UBE2O: variants seen among roughly 807,000 people sequenced by gnomAD.
UBE2O encodes ubiquitin conjugating enzyme E2 O, also known as (E3-independent) E2 ubiquitin-conjugating enzyme.
In UBE2O, 15 loss-of-function variants were observed where a neutral mutation model predicts 125.8. The observed-to-expected ratio is 0.12, with a 90% CI of 0.08 to 0.18. UBE2O has a LOEUF of 0.18. UBE2O is among the 10% of genes least tolerant of loss of function. The pLI, the probability that UBE2O is intolerant of heterozygous loss-of-function variation, is 1.00. For missense variants in UBE2O, 1,280 were observed against 1,723.6 expected, an observed-to-expected ratio of 0.74 and a Z score of 4.56; for synonymous variants, 708 against 703.2, an observed-to-expected ratio of 1.01 and a Z score of -0.11.
In UBE2O at chr17:76,410,609, G is replaced by A. The variant is rs947711962; in HGVS notation, c.418-5037C>T. ...GGAAAGCAATCAAATGGTAAGTGAG[G>A]GGTCAGGGACAATGCCAGGGCAGAG... On this transcript the variant is annotated intron_variant, in intron 1 of 17. Transcript: ENST00000319380. This position sits in a 1 kb window ranked among gnomAD's most constrained non-coding sequence, Gnocchi z 4.0. 6.6e-6 allele frequency among the ~76,000 whole-genome samples: 1 copy of A among 152,168 alleles called. No homozygotes were observed. Among genetic ancestry groups the A allele is most frequent in the Non-Finnish European group, 1.5e-5 (1 of 68,030 alleles).
At position 76,397,794 on chromosome 17, in the gene UBE2O, C is replaced by T; in HGVS notation, c.2115+5G>A. On this transcript the variant is annotated splice_donor_5th_base_variant and intron_variant, in intron 13 of 17. Coordinates refer to ENST00000319380, the MANE Select transcript of UBE2O (RefSeq NM_022066.4). ...CTCAGCAGGGGGGTCTTGCCAGAGCCTCACCTGGGGCAGGATGATGGTCTT... is the reference window on the plus strand; with the variant it reads ...CTCAGCAGGGGGGTCTTGCCAGAGCTTCACCTGGGGCAGGATGATGGTCTT... The T allele has an allele frequency of 1.2e-6, 2 of 1,614,184 alleles. No homozygotes were observed. The highest frequency in any genetic ancestry group is 2.2e-5 in the East Asian group (1 of 44,888).
In UBE2O at chr17:76,400,262, C is replaced by T. The variant is rs745858375; in HGVS notation, c.1040G>A (p.Arg347Gln). 6.2e-6 allele frequency: 10 copies of T among 1,613,928 alleles called. No individual in the cohort carries two copies. Among genetic ancestry groups the T allele is most frequent in the East Asian group, 2.2e-5 (1 of 44,892 alleles). ...ATACAGACAGCGCTCCCCAAGCTGC[C>T]GCTGAGCATGGTCAAAGCATCCGAG... Reference protein sequence around the residue: ...KRLGCFDHAQRQLGERCLYVF... With the variant: ...KRLGCFDHAQQQLGERCLYVF... The change falls in exon 8 of 18, where the codon CGG becomes CAG. Residue 347 changes from arginine to glutamine, a missense_variant. By Grantham distance (43) the Arg-to-Gln change is conservative. Coordinates refer to ENST00000319380, the MANE Select transcript of UBE2O (RefSeq NM_022066.4). The surrounding 1 kb of genome is among the most constrained non-coding windows in gnomAD (Gnocchi z 4.3).
In UBE2O at chr17:76,429,205, T is replaced by C. The variant is rs113122326; in HGVS notation, c.417+23520A>G. Among the ~76,000 whole-genome samples, 1,000 of 151,608 alleles carry C rather than the reference T, an allele frequency of 6.6e-3. 12 individuals are homozygous for C. The highest frequency in any genetic ancestry group is 0.022 in the African/African-American group (930 of 41,404). The stretch of plus-strand genomic sequence containing the variant: ...ATGAGCCACCGCGTCCAGCCAGCCC[T>C]CTACTATGTTTGCAACTTCCTATGC... On this transcript the variant is annotated intron_variant, in intron 1 of 17. Transcript: ENST00000319380.
intron 1 of UBE2O, among the ~76,000 whole-genome samples, chr17:76,435,351 C>T (rs989018524): frequency 6.6e-6 from 1 of 150,482 alleles, no homozygotes; most frequent in African/African-American, 2.4e-5. Context: ...TTTGTTTAAA[C>T]CTTTTGAATG....
chr17:76,413,465 G>T (rs12950218), intron 1 of UBE2O, among the ~76,000 whole-genome samples: 1 of 152,116 alleles, frequency 6.6e-6, no homozygotes. Flanking sequence ...AAACCTGAGT[G>T]CATTAATATA....
chr17:76,439,128 G>A (rs1378612481), intron 1 of UBE2O, among the ~76,000 whole-genome samples: 1 of 152,212 alleles, frequency 6.6e-6, no homozygotes, highest in Non-Finnish European at 1.5e-5. Flanking sequence ...TGACGGCGTG[G>A]TTTGGAGGCG....
Position 76,405,085 on chromosome 17 carries a change from G to T in UBE2O, c.588+121C>A. ...AGGAGCCAGCTGGCTGCTGTGCTCC[G>T]CCTTCTGACCCAGGAAGGCTGTGCT... is the stretch of plus-strand genomic sequence containing the variant. On this transcript the variant is annotated intron_variant, in intron 3 of 17. Coordinates refer to ENST00000319380, the MANE Select transcript of UBE2O (RefSeq NM_022066.4). This position sits in a 1 kb window ranked among gnomAD's most constrained non-coding sequence, Gnocchi z 6.1. 1 of 699,782 alleles carries T rather than the reference G, an allele frequency of 1.4e-6. No individual in the cohort carries two copies. The highest frequency in any genetic ancestry group is 2.4e-6 in the Non-Finnish European group (1 of 422,850). 43.3% of individuals were successfully genotyped at this position (699,782 alleles called of 1,614,324 possible). A position where few individuals can be genotyped will look rare whatever the true frequency, so the allele number is the denominator to read the frequency against.
chr17:76,436,901 G>A (rs1003685908), intron 1 of UBE2O, among the ~76,000 whole-genome samples: 27 of 152,164 alleles, frequency 1.8e-4, no homozygotes, highest in African/African-American at 6.3e-4. Flanking sequence ...AGAGGTCAAG[G>A]TGGGCAGATC....
chr17:76,400,316 G>C lies in UBE2O; in HGVS notation c.1005-19C>G. 1 of 1,611,870 alleles carries C rather than the reference G, an allele frequency of 6.2e-7. No homozygotes were observed. Among genetic ancestry groups the C allele is most frequent in the Admixed American group, 1.7e-5 (1 of 59,954 alleles). ...CTTCACCCTGGTTGGGGAAGAAGTG[G>C]GGGTGAGCTGGGCTGGACTCCTGGG... On this transcript the variant is annotated intron_variant, in intron 7 of 17. Coordinates refer to ENST00000319380, the MANE Select transcript of UBE2O (RefSeq NM_022066.4). The surrounding 1 kb of genome is among the most constrained non-coding windows in gnomAD (Gnocchi z 4.3).
chr17:76,414,396 C>T (rs1024465921), intron 1 of UBE2O, among the ~76,000 whole-genome samples: 9 of 152,230 alleles, frequency 5.9e-5, no homozygotes, highest in Non-Finnish European at 1.2e-4. Flanking sequence ...GATGAAATTA[C>T]ACCTGAAAAC....
At position 76,391,900 on chromosome 17, in the gene UBE2O, C is replaced by T. The variant is rs2072120472; in HGVS notation, c.3150+10G>A. ...CTCCTTCTTGGCTGGGGGCCTGGCC[C>T]TATACTCACCTTTCCAATCCAGGTG... is the stretch of plus-strand genomic sequence containing the variant. On this transcript the variant is annotated intron_variant, in intron 16 of 17. Coordinates refer to ENST00000319380, the MANE Select transcript of UBE2O (RefSeq NM_022066.4). This position sits in a 1 kb window ranked among gnomAD's most constrained non-coding sequence, Gnocchi z 8.4. The T allele has an allele frequency of 6.2e-7, 1 of 1,613,458 alleles. No individual in the cohort carries two copies. The highest frequency in any genetic ancestry group is 8.5e-7 in the Non-Finnish European group (1 of 1,179,756).
At chr17:76,419,550 C>T (rs982003681) in intron 1 of UBE2O, among the ~76,000 whole-genome samples, 2 of 152,112 alleles carry the variant, frequency 1.3e-5, no homozygotes, top group African/African-American at 2.4e-5. Context: ...GTGGTCCAGC[C>T]CTTGGGAAAG....
In UBE2O at chr17:76,390,879, G is replaced by T. The variant is rs563453678; in HGVS notation, c.*64C>A. 1.3e-5 allele frequency: 19 copies of T among 1,498,168 alleles called. No individual in the cohort carries two copies. Among genetic ancestry groups the T allele is most frequent in the South Asian group, 5.2e-5 (4 of 77,174 alleles). 92.8% of individuals were successfully genotyped at this position (1,498,168 alleles called of 1,614,324 possible). ...GGCATGGGAAGAGGGGTGATTCCGG[G>T]GGGGAGTGAGCAGGCGGCGGCTGGC... On this transcript the variant is annotated 3_prime_UTR_variant, in exon 18 of 18. Transcript: ENST00000319380.
rs1349152243 is a variant in UBE2O, at chr17:76,399,251, C to A, written c.1628+198G>T. 1.4e-6 allele frequency: 1 copy of A among 708,552 alleles called. No individual in the cohort carries two copies. The highest frequency in any genetic ancestry group is 2.3e-6 in the Non-Finnish European group (1 of 432,488). 43.9% of individuals were successfully genotyped at this position (708,552 alleles called of 1,614,324 possible). On this transcript the variant is annotated intron_variant, in intron 9 of 17. Transcript: ENST00000319380. The surrounding 1 kb of genome is among the most constrained non-coding windows in gnomAD (Gnocchi z 6.9). ...CAAGCTTAAGGCCACCACCATCCCA[C>A]CCTCTGCACCACTCCTCAGTCTCTG...
intron 1 of UBE2O, among the ~76,000 whole-genome samples, chr17:76,436,115 T>C (rs775817767): frequency 9.2e-5 from 14 of 152,082 alleles, no homozygotes; most frequent in Admixed American, 7.2e-4. Context: ...GGCATGGTGG[T>C]GTGCACCTGT....
Position 76,440,086 on chromosome 17 carries a change from A to G in UBE2O, c.417+12639T>C, listed in dbSNP as rs74521038. On this transcript the variant is annotated intron_variant, in intron 1 of 17. Coordinates refer to ENST00000319380, the MANE Select transcript of UBE2O (RefSeq NM_022066.4). ...TCCGGCTGGGGACAGTAAACAGGAC[A>G]TGAAGTAGTATAATCTCAGGTAATG... Among the ~76,000 whole-genome samples the G allele has an allele frequency of 8.5e-5, 13 of 152,316 alleles. No homozygotes were observed. In the East Asian group the frequency reaches 2.3e-3, roughly 27 times the overall value.
At chr17:76,451,224 A>G (rs981068415) in intron 1 of UBE2O, among the ~76,000 whole-genome samples, 1 of 152,246 alleles carries the variant, frequency 6.6e-6, no homozygotes, top group Non-Finnish European at 1.5e-5. Context: ...GAAAGACACC[A>G]GCAATCATCT....
chr17:76,392,124 AG>A lies in UBE2O; in HGVS notation c.2947-12del. On this transcript the variant is annotated splice_polypyrimidine_tract_variant and intron_variant, in intron 15 of 17. Transcript: ENST00000319380. ...AGCTGAGAAGAGGTCCTAGGTAGGG[AG>A]GGAGGGAGGGAGGCCAAGGTTGGCA... is the stretch of plus-strand genomic sequence containing the variant. 7.5e-6 allele frequency: 3 copies of A among 400,512 alleles called. No individual in the cohort carries two copies. Among genetic ancestry groups the A allele is most frequent in the Non-Finnish European group, 1.5e-5 (3 of 206,610 alleles). 24.8% of individuals were successfully genotyped at this position (400,512 alleles called of 1,614,324 possible). A position where few individuals can be genotyped will look rare whatever the true frequency, so the allele number is the denominator to read the frequency against.
rs746598645 is a variant in UBE2O, at chr17:76,391,657, A to C, written c.3209-44T>G. ...TTCCCTCAGTGGGTGAGAGAGGCCC[A>C]CAATGCAGGCCTACCCTCCACCTGC... On this transcript the variant is annotated intron_variant, in intron 17 of 17. Transcript: ENST00000319380. The surrounding 1 kb of genome is among the most constrained non-coding windows in gnomAD (Gnocchi z 8.4). 1 of 1,600,988 alleles carries C rather than the reference A, an allele frequency of 6.2e-7. No individual in the cohort carries two copies. The highest frequency in any genetic ancestry group is 8.5e-7 in the Non-Finnish European group (1 of 1,171,554).
Sources: gnomAD v4.1 joint callset for allele counts (sites outside exome capture counted in the v4.1 genomes callset) on GRCh38, gnomAD v4.1.1 for gene constraint, Gnocchi (gnomAD v3.1) non-coding constraint, MANE v1.5 for transcripts, NCBI Gene and HGNC (gene_info 2026-07-23, HGNC 2026-07-21) for gene names.